Variants in MCRIP1 observed in about 807,000 individuals in gnomAD.
MCRIP1 encodes the protein MAPK regulated corepressor interacting protein 1, also known as mapk-regulated corepressor-interacting protein 1.
MCRIP1 carries 10 observed loss-of-function variants against 14.4 expected under a neutral mutation model. The ratio of observed to expected loss-of-function variants is 0.70; its 90% CI spans 0.43 to 1.18. The LOEUF is 1.18. MCRIP1 is among the 50% of genes most tolerant of loss of function. The pLI is 0.00. For missense variants in MCRIP1, 119 were observed against 135.4 expected (o/e 0.88, Z 0.60); for synonymous variants, 53 against 55.7 (o/e 0.95, Z 0.21).
At chr17:81,824,934 G>T in intron 1 of MCRIP1, 1 of 1,133,660 alleles carries the variant, frequency 8.8e-7, no homozygotes, top group Non-Finnish European at 1.1e-6. Flanking sequence ...CTGATGTCCA[G>T]CTGCCTCTCA....
rs1324559593 is a variant in MCRIP1 at position 81,823,488 on chromosome 17, C to A, written c.153G>T (p.Leu51=). Reference sequence around the variant, plus strand: ...GCTCGCCACCCGGCACCTGGCCTCGCAGGTCTCGCTCCACACCCTGCCAGG... The same window carrying A: ...GCTCGCCACCCGGCACCTGGCCTCGAAGGTCTCGCTCCACACCCTGCCAGG... ...YEAWQGVERD[L]RGQVPGGERG... is the part of the protein sequence containing the mutation. The change falls in exon 4 of 5, where the codon CTG becomes CTT. Residue 51 remains leucine, a synonymous_variant. Coordinates refer to ENST00000455127, the MANE Select transcript of MCRIP1 (RefSeq NM_207368.5). This position sits in a 1 kb window ranked among gnomAD's most constrained non-coding sequence, Gnocchi z 6.0. The A allele has an allele frequency of 2.0e-6, 3 of 1,536,532 alleles. No individual in the cohort carries two copies. Among genetic ancestry groups the A allele is most frequent in the Non-Finnish European group, 2.6e-6 (3 of 1,146,764 alleles).
intron 1 of MCRIP1, chr17:81,824,776 G>C: frequency 7.0e-7 from 1 of 1,418,532 alleles, no homozygotes; most frequent in Non-Finnish European, 9.2e-7. Context: ...AGACGAGCCA[G>C]ACACACACAC....
chr17:81,825,401 G>T, intron 1 of MCRIP1: 1 of 1,189,662 alleles, frequency 8.4e-7, no homozygotes, highest in Non-Finnish European at 1.1e-6. Context: ...TCTCCAGCCT[G>T]CCCTGCTCCA....
At position 81,823,512 on chromosome 17, in the gene MCRIP1, G is replaced by C. The variant is rs2038317547; in HGVS notation, c.129C>G (p.Ala43=). The change falls in exon 4 of 5, where the codon GCC becomes GCG. Residue 43 remains alanine (A), a splice_region_variant and synonymous_variant. Coordinates refer to ENST00000455127, the MANE Select transcript of MCRIP1 (RefSeq NM_207368.5). The surrounding 1 kb of genome is among the most constrained non-coding windows in gnomAD (Gnocchi z 6.0). ...GCAGGTCTCGCTCCACACCCTGCCA[G>C]GCTGCAGAGGCAGAGAGTGGTGTGC... The part of the protein sequence containing the change: ...HEENVRFIYE[A]WQGVERDLRG... 2 of 1,536,016 alleles carry C rather than the reference G, an allele frequency of 1.3e-6. No individual in the cohort carries two copies. Among genetic ancestry groups the C allele is most frequent in the African/African-American group, 1.4e-5 (1 of 73,148 alleles).
chr17:81,823,358 C>G lies in MCRIP1; in HGVS notation c.230-47G>C. ...GGTGGTGGGCACAGGCCCCTCCTGC[C>G]CATGAGGCCCGGCCTGCCGGCCCAG... On this transcript the variant is annotated intron_variant, in intron 4 of 4. Coordinates refer to ENST00000455127, the MANE Select transcript of MCRIP1 (RefSeq NM_207368.5). This position sits in a 1 kb window ranked among gnomAD's most constrained non-coding sequence, Gnocchi z 6.0. 1 of 1,536,462 alleles carries G rather than the reference C, an allele frequency of 6.5e-7. No homozygotes were observed. The highest frequency in any genetic ancestry group is 1.2e-5 in the South Asian group (1 of 84,044).
At position 81,825,737 on chromosome 17, in the gene MCRIP1, C is replaced by G. The variant is rs1227981706; in HGVS notation, c.-48-1183G>C. On this transcript the variant is annotated intron_variant, in intron 1 of 4. Coordinates refer to ENST00000455127, the MANE Select transcript of MCRIP1 (RefSeq NM_207368.5). ...GGCCAGGAGTGAGGTCCAAAAAGGG[C>G]CAGGGGCTCCCCACCCACGGCAGCA... 3.1e-6 allele frequency: 4 copies of G among 1,289,266 alleles called. No homozygotes were observed. The African/African-American group carries it at 6.1e-5, about 20-fold the overall frequency. 79.9% of individuals were successfully genotyped at this position (1,289,266 alleles called of 1,614,324 possible). A position where few individuals can be genotyped will look rare whatever the true frequency, so the allele number is the denominator to read the frequency against.
At chr17:81,825,049 G>A (rs982055672) in intron 1 of MCRIP1, 86 of 1,013,498 alleles carry the variant, frequency 8.5e-5, no homozygotes, top group East Asian at 1.0e-4. Context: ...TCTGTAAAAC[G>A]GGGATGAGCT....
At chr17:81,824,889 C>T in intron 1 of MCRIP1, 1 of 1,201,366 alleles carries the variant, frequency 8.3e-7, no homozygotes, top group Non-Finnish European at 1.0e-6. Flanking sequence ...GGCCAGAGCC[C>T]CTCCCCACGT....
chr17:81,830,860 T>TAA (rs34075802), intron 1 of MCRIP1, among the ~76,000 whole-genome samples: 1 of 135,682 alleles, frequency 7.4e-6, no homozygotes. Flanking sequence ...CCATTGCTAC[T>TAA]AAAAAAAAAA....
chr17:81,828,745 G>A (rs1458264254), intron 1 of MCRIP1, among the ~76,000 whole-genome samples: 1 of 152,206 alleles, frequency 6.6e-6, no homozygotes, highest in Admixed American at 6.5e-5. Flanking sequence ...AGAGGGCCGA[G>A]GCATGGACAT....
intron 1 of MCRIP1, among the ~76,000 whole-genome samples, chr17:81,830,785 G>C (rs1229075594): frequency 2.0e-5 from 3 of 151,842 alleles, no homozygotes; most frequent in African/African-American, 7.3e-5. Context: ...CACTCTGGGA[G>C]GCTGAGGTGG....
chr17:81,831,920 G>A (rs1016777908), intron 1 of MCRIP1, among the ~76,000 whole-genome samples: 3 of 152,136 alleles, frequency 2.0e-5, no homozygotes, highest in African/African-American at 7.2e-5. Context: ...GTAGAACTAT[G>A]TAGAACCTTC....
intron 1 of MCRIP1, chr17:81,825,329 G>C (rs2038368569): frequency 1.7e-6 from 2 of 1,159,560 alleles, no homozygotes. Context: ...TGGCAGGCTG[G>C]ACAGTGTCCC....
At chr17:81,824,188 G>C in intron 3 of MCRIP1, 99 bp downstream of exon 3, 2 of 954,864 alleles carry the variant, frequency 2.1e-6, no homozygotes, top group East Asian at 5.2e-5. Context: ...GGCAGGGGCA[G>C]GGGCCGCAGG....
At chr17:81,825,670 A>G (rs1206231333) in intron 1 of MCRIP1, 2 of 1,289,426 alleles carry the variant, frequency 1.6e-6, no homozygotes, top group South Asian at 2.5e-5. Flanking sequence ...AGCAAAGAGC[A>G]GAAAACCAGC....
intron 1 of MCRIP1, chr17:81,824,972 G>A: frequency 9.4e-7 from 1 of 1,069,042 alleles, no homozygotes; most frequent in African/African-American, 1.7e-5. Flanking sequence ...CAGCCCCTCA[G>A]CTAACTGACC....
intron 1 of MCRIP1, chr17:81,825,884 GAGGGTCCCAC>G: frequency 7.7e-7 from 1 of 1,291,002 alleles, no homozygotes; most frequent in Non-Finnish European, 1.0e-6. Flanking sequence ...TGTTTGGGTT[GAGGGTCCCAC>G]AGGGACATGC....
chr17:81,828,532 C>G (rs959708150), intron 1 of MCRIP1, among the ~76,000 whole-genome samples: 11 of 152,110 alleles, frequency 7.2e-5, no homozygotes, highest in Non-Finnish European at 1.5e-4. Flanking sequence ...CGTACAAGGA[C>G]AGCTGGAGAA....
intron 1 of MCRIP1, chr17:81,825,500 A>T (rs577155934): frequency 1.6e-6 from 2 of 1,217,096 alleles, no homozygotes; most frequent in East Asian, 1.2e-4. Context: ...GCCCACCCAG[A>T]GGCCCAAGGC....
Sources: gnomAD v4.1 joint callset for allele counts (sites outside exome capture counted in the v4.1 genomes callset) on GRCh38, gnomAD v4.1.1 for gene constraint, Gnocchi (gnomAD v3.1) non-coding constraint, MANE v1.5 for transcripts, NCBI Gene and HGNC (gene_info 2026-07-23, HGNC 2026-07-21) for gene names.